Variants in FRMD4B observed in about 807,000 individuals in gnomAD.
FRMD4B encodes FERM domain-containing protein 4B.
Under a neutral mutation model 141.5 loss-of-function variants are expected in FRMD4B, and 74 were observed. The ratio of observed to expected loss-of-function variants is 0.52; its 90% CI spans 0.43 to 0.63. The LOEUF is 0.63. Ranked by LOEUF, FRMD4B falls within the 30% of genes least tolerant of loss-of-function variation. FRMD4B has a pLI of 0.00. For synonymous variants in FRMD4B, 506 were observed against 467.9 expected (o/e 1.08, Z -1.05); for missense variants, 1,366 against 1,253.4 (o/e 1.09, Z -1.36).
At chr3:69,485,958 A>G (rs1038008365) in intron 1 of FRMD4B, among the ~76,000 whole-genome samples, 3 of 152,272 alleles carry the variant, frequency 2.0e-5, no homozygotes, top group Non-Finnish European at 4.4e-5. Flanking sequence ...CAATACATGC[A>G]GATATATGTA....
chr3:69,378,741 C>A (rs890935048), intron 1 of FRMD4B, among the ~76,000 whole-genome samples: 2 of 152,036 alleles, frequency 1.3e-5, no homozygotes, highest in Admixed American at 1.3e-4. Flanking sequence ...AGTACAGGGT[C>A]ATTCAAGTTC....
At chr3:69,180,094 T>C (rs1027097120) in intron 21 of FRMD4B, among the ~76,000 whole-genome samples, 8 of 152,078 alleles carry the variant, frequency 5.3e-5, no homozygotes, top group Admixed American at 5.2e-4. Flanking sequence ...TATATATGAA[T>C]ACTGAATTAC....
At chr3:69,373,150 T>A (rs1703874725) in intron 1 of FRMD4B, among the ~76,000 whole-genome samples, 1 of 152,222 alleles carries the variant, frequency 6.6e-6, no homozygotes, top group South Asian at 2.1e-4. Context: ...CACCAAAGAC[T>A]TTTTCTTCTT....
chr3:69,377,490 G>C lies in FRMD4B; in HGVS notation c.162+8338C>G, dbSNP rs529997475. ...AGGCTTTGGTCCTAGCACCTGTTGG[G>C]GAGGCACCCGTAGAAGGTGCTTGAT... On this transcript the variant is annotated intron_variant, in intron 1 of 22. Coordinates refer to ENST00000398540, the MANE Select transcript of FRMD4B (RefSeq NM_015123.3). 1.8e-4 allele frequency among the ~76,000 whole-genome samples: 27 copies of C among 152,308 alleles called. No individual in the cohort carries two copies. In the South Asian group the frequency reaches 4.6e-3, roughly 26 times the overall value.
intron 1 of FRMD4B, among the ~76,000 whole-genome samples, chr3:69,325,084 A>AG (rs1559806155): frequency 0.012 from 1,667 of 140,246 alleles, 44 homozygotes; most frequent in African/African-American, 0.043. Flanking sequence ...CTAAAAAAAA[A>AG]AAAAGAAAGA....
At chr3:69,321,730 T>C (rs1702005414) in intron 1 of FRMD4B, among the ~76,000 whole-genome samples, 1 of 151,270 alleles carries the variant, frequency 6.6e-6, no homozygotes. Context: ...TTTTTTTTTT[T>C]TCTACACAGG....
intron 1 of FRMD4B, among the ~76,000 whole-genome samples, chr3:69,362,700 A>AT (rs1703503903): frequency 7.0e-6 from 1 of 142,706 alleles, no homozygotes; most frequent in Admixed American, 7.0e-5. Flanking sequence ...CAAAAAGCCA[A>AT]CCCCCCCCCC....
At chr3:69,416,826 T>C (rs1021401240) in intron 2 of FRMD4B, among the ~76,000 whole-genome samples, 6 of 152,176 alleles carry the variant, frequency 3.9e-5, no homozygotes, top group African/African-American at 1.4e-4. Context: ...CCTGTGTTAG[T>C]TTGCTGAGAA....
chr3:69,182,792 A>G, intron 19 of FRMD4B, 75 bp from the exon 20 acceptor site: 1 of 1,414,878 alleles, frequency 7.1e-7, no homozygotes, highest in South Asian at 1.2e-5. Context: ...ATAAGCAGAT[A>G]CAAAACTTAC....
chr3:69,264,460 G>A lies in FRMD4B; in HGVS notation c.502-14361C>T, dbSNP rs139725740. Among the ~76,000 whole-genome samples, 769 of 152,228 alleles carry A rather than the reference G, an allele frequency of 5.1e-3. 1 individual carries two copies. Among genetic ancestry groups the A allele is most frequent in the African/African-American group, 8.3e-3 (343 of 41,556 alleles). ...AAAAAGGGAATGCTTCTTGTGTTTC[G>A]TGATTCACTATAGATTTGATTTGCC... is the stretch of plus-strand genomic sequence containing the variant. On this transcript the variant is annotated intron_variant, in intron 5 of 22. Transcript: ENST00000398540.
chr3:69,176,229 T>C (rs374376979), intron 22 of FRMD4B, among the ~76,000 whole-genome samples: 49 of 152,266 alleles, frequency 3.2e-4, no homozygotes, highest in African/African-American at 1.1e-3. Context: ...TTAGCAAACT[T>C]TTTCTTAAAG....
At chr3:69,413,942 T>C (rs1432000622) in intron 2 of FRMD4B, among the ~76,000 whole-genome samples, 1 of 152,220 alleles carries the variant, frequency 6.6e-6, no homozygotes, top group Non-Finnish European at 1.5e-5. Flanking sequence ...TGTCATTCCA[T>C]GCCTTTGGGG....
intron 1 of FRMD4B, among the ~76,000 whole-genome samples, chr3:69,525,350 C>T (rs1412837921): frequency 6.6e-6 from 1 of 152,148 alleles, no homozygotes. Flanking sequence ...AAAATACCCA[C>T]TCTGGCTCCT....
intron 1 of FRMD4B, chr3:69,535,844 C>A (rs1419750833): frequency 8.6e-6 from 4 of 466,938 alleles, no homozygotes; most frequent in Middle Eastern, 4.7e-4. Context: ...CCTTTAGGAG[C>A]CTTGGTCTTG....
At chr3:69,389,512 G>C (rs1356576477), upstream of FRMD4B, among the ~76,000 whole-genome samples, 1 of 152,198 alleles carries the variant, frequency 6.6e-6, no homozygotes, top group Non-Finnish European at 1.5e-5. Flanking sequence ...TTTTGAGCTT[G>C]ATCTTCCCCA....
intron 1 of FRMD4B, among the ~76,000 whole-genome samples, chr3:69,445,110 G>A (rs1249906978): frequency 1.3e-5 from 2 of 152,100 alleles, no homozygotes; most frequent in Admixed American, 1.3e-4. Context: ...GCATACAAGT[G>A]ACATACCCGC....
intron 1 of FRMD4B, chr3:69,334,596 A>T (rs947980869): frequency 1.3e-5 from 2 of 152,120 alleles, no homozygotes; most frequent in Non-Finnish European, 2.9e-5. Context: ...GAGCACTGTC[A>T]TCTATAGACC....
In FRMD4B at chr3:69,445,565, G is replaced by A. The variant is rs374187027; in HGVS notation, c.-128-12804C>T. The stretch of plus-strand genomic sequence containing the variant: ...AACACTTAAACTCCAGCTCCTATGT[G>A]GATTCCTATCTACCTCTGAAATCTC... On this transcript the variant is annotated intron_variant, in intron 1 of 5. Transcript: ENST00000459638. Among the ~76,000 whole-genome samples, 10 of 152,228 alleles carry A rather than the reference G, an allele frequency of 6.6e-5. No individual in the cohort carries two copies. The East Asian group carries it at 1.2e-3, about 18-fold the overall frequency.
intron 1 of FRMD4B, among the ~76,000 whole-genome samples, chr3:69,457,916 A>G (rs1308959268): frequency 1.3e-5 from 2 of 152,122 alleles, no homozygotes; most frequent in East Asian, 1.9e-4. Context: ...GCTCTCAACA[A>G]TGGGGAGCAT....
Sources: gnomAD v4.1 joint callset for allele counts (sites outside exome capture counted in the v4.1 genomes callset) on GRCh38, gnomAD v4.1.1 for gene constraint, MANE v1.5 for transcripts, NCBI Gene and HGNC (gene_info 2026-07-23, HGNC 2026-07-21) for gene names.